The following LRMDA variants were observed in gnomAD, a reference collection of about 807,000 sequenced individuals.
LRMDA encodes the protein leucine rich melanocyte differentiation associated, also known as leucine-rich melanocyte differentiation-associated protein.
In LRMDA, 18 loss-of-function variants were observed where a neutral mutation model predicts 29.8. The ratio of observed to expected loss-of-function variants is 0.60; its 90% confidence interval spans 0.42 to 0.90. LRMDA has a LOEUF of 0.90. LRMDA is among the 40% of genes least tolerant of loss of function. The pLI is 0.00. For synonymous variants in LRMDA, 125 were observed against 109.4 expected (o/e 1.14, Z -0.89); for missense variants, 273 against 273.9 (o/e 1.00, Z 0.02).
At chr10:75,617,776 A>G (rs1179446809) in intron 2 of LRMDA, among the ~76,000 whole-genome samples, 2 of 152,140 alleles carry the variant, frequency 1.3e-5, no homozygotes, top group African/African-American at 2.4e-5. Context: ...TCTTGAGGTC[A>G]AGCACCATTT....
intron 6 of LRMDA, among the ~76,000 whole-genome samples, chr10:76,443,928 T>C (rs1589189969): frequency 1.3e-5 from 2 of 152,330 alleles, no homozygotes; most frequent in East Asian, 3.9e-4. Flanking sequence ...TTCTAAGTCC[T>C]GGTAAGGTTG....
At chr10:76,180,395 T>A (rs1025889563) in intron 5 of LRMDA, among the ~76,000 whole-genome samples, 18 of 143,612 alleles carry the variant, frequency 1.3e-4, no homozygotes, top group African/African-American at 4.6e-4. Flanking sequence ...TTTTCCTCCC[T>A]CAGCCTCCCA....
At chr10:76,477,986 G>A (rs1434919388) in intron 6 of LRMDA, among the ~76,000 whole-genome samples, 1 of 152,068 alleles carries the variant, frequency 6.6e-6, no homozygotes, top group African/African-American at 2.4e-5. Context: ...GAGGACATAG[G>A]CACGGGCAAG....
intron 2 of LRMDA, among the ~76,000 whole-genome samples, chr10:75,651,892 A>T (rs979944589): frequency 1.3e-5 from 2 of 152,224 alleles, no homozygotes; most frequent in African/African-American, 4.8e-5. Context: ...CTCCACTTCC[A>T]TCACACAGTA....
chr10:75,435,041 AT>A (rs1403490667), intron 1 of LRMDA, among the ~76,000 whole-genome samples: 1 of 151,960 alleles, frequency 6.6e-6, no homozygotes, highest in Non-Finnish European at 1.5e-5. Context: ...TTATATTTTC[AT>A]TTGCCTGGTA....
Position 75,543,367 on chromosome 10 carries a change from A to G in LRMDA, c.131+104873A>G, listed in dbSNP as rs563610392. ...CTAAATTTATATGGTTATAAACAAGAGATATTACTTTGGAATACCACAATA... is the reference window on the plus strand; with the variant it reads ...CTAAATTTATATGGTTATAAACAAGGGATATTACTTTGGAATACCACAATA... On this transcript the variant is annotated intron_variant, in intron 2 of 6. Coordinates refer to ENST00000611255, the MANE Select transcript of LRMDA (RefSeq NM_001305581.2). Among the ~76,000 whole-genome samples the G allele has an allele frequency of 2.0e-5, 3 of 152,262 alleles. No individual in the cohort carries two copies. In the South Asian group the frequency reaches 6.2e-4, roughly 32 times the overall value.
At chr10:76,036,592 T>C (rs935615824) in intron 3 of LRMDA, among the ~76,000 whole-genome samples, 8 of 152,288 alleles carry the variant, frequency 5.3e-5, no homozygotes, top group Non-Finnish European at 7.4e-5. Flanking sequence ...GGGGCAGGCT[T>C]GGGGAACCGT....
intron 2 of LRMDA, among the ~76,000 whole-genome samples, chr10:75,852,464 T>G (rs1466116189): frequency 6.6e-6 from 1 of 152,056 alleles, no homozygotes; most frequent in Non-Finnish European, 1.5e-5. Flanking sequence ...TTAGTTTCAT[T>G]TAGGACCATT....
At chr10:75,765,005 T>C (rs997932186) in intron 2 of LRMDA, among the ~76,000 whole-genome samples, 26 of 151,850 alleles carry the variant, frequency 1.7e-4, no homozygotes, top group African/African-American at 6.3e-4. Flanking sequence ...ACATGATCTT[T>C]AGTTTAATAA....
At chr10:75,523,980 A>T (rs1845388634) in intron 2 of LRMDA, among the ~76,000 whole-genome samples, 1 of 152,054 alleles carries the variant, frequency 6.6e-6, no homozygotes, top group Non-Finnish European at 1.5e-5. Flanking sequence ...CCTTTTTATC[A>T]CTCCGAGCTT....
intron 2 of LRMDA, among the ~76,000 whole-genome samples, chr10:75,791,305 A>G (rs1446942082): frequency 6.6e-6 from 1 of 152,240 alleles, no homozygotes; most frequent in Admixed American, 6.5e-5. Context: ...TATACCATCA[A>G]GAGAATAGAA....
chr10:76,261,616 C>T (rs1247474), intron 5 of LRMDA, among the ~76,000 whole-genome samples: 88,550 of 152,036 alleles, frequency 0.58, 25,879 homozygotes, highest in South Asian at 0.65. Flanking sequence ...TTTAGGCTTT[C>T]CTACTTAGGT....
intron 6 of LRMDA, among the ~76,000 whole-genome samples, chr10:76,447,131 T>C (rs997294008): frequency 1.3e-4 from 20 of 152,202 alleles, no homozygotes; most frequent in African/African-American, 4.6e-4. Context: ...AGTTCACTAG[T>C]GTTCTCTTTA....
At chr10:75,544,690 G>GT (rs527945686) in intron 2 of LRMDA, among the ~76,000 whole-genome samples, 35 of 146,788 alleles carry the variant, frequency 2.4e-4, no homozygotes, top group Middle Eastern at 3.4e-3. Context: ...AAACTTTCTT[G>GT]TTTTTTTTTT....
intron 6 of LRMDA, among the ~76,000 whole-genome samples, chr10:76,353,432 A>C (rs536160644): frequency 2.6e-5 from 4 of 152,020 alleles, no homozygotes; most frequent in African/African-American, 7.2e-5. Context: ...AGGTTGACAC[A>C]TGCATGCAGA....
chr10:76,362,609 C>T (rs1331441974), intron 6 of LRMDA, among the ~76,000 whole-genome samples: 1 of 151,594 alleles, frequency 6.6e-6, no homozygotes, highest in East Asian at 1.9e-4. Context: ...TTGTTTGTAC[C>T]CCCCTGGTGG....
chr10:75,750,795 G>C (rs1842956312), intron 2 of LRMDA, among the ~76,000 whole-genome samples: 1 of 151,336 alleles, frequency 6.6e-6, no homozygotes, highest in South Asian at 2.1e-4. Context: ...TCCCAGACAG[G>C]GTGGCAGCCG....
rs532673798 is a variant in LRMDA, at chr10:75,552,424, T to C, written c.131+113930T>C. The C allele has an allele frequency of 2.8e-3, 788 of 277,988 alleles. 6 individuals carry two copies. In the Middle Eastern group the frequency reaches 0.051, roughly 18 times the overall value. The allele number at this position is 277,988 out of a possible 1,614,324, so 17.2% of individuals were successfully genotyped here. A position where few individuals can be genotyped will look rare whatever the true frequency, so the allele number is the denominator to read the frequency against. ...TAGCTTTGTTCTGTGTTTTTTTTTT[T>C]TCCCCCCCCTCTGGCTGCTTTCAGA... On this transcript the variant is annotated intron_variant, in intron 2 of 6. Coordinates refer to ENST00000611255, the MANE Select transcript of LRMDA (RefSeq NM_001305581.2).
intron 6 of LRMDA, among the ~76,000 whole-genome samples, chr10:76,513,615 C>A (rs1843030888): frequency 6.6e-6 from 1 of 152,140 alleles, no homozygotes; most frequent in East Asian, 1.9e-4. Context: ...TGTTGATAAG[C>A]CACATCACTC....
Sources: gnomAD v4.1 joint callset for allele counts (sites outside exome capture counted in the v4.1 genomes callset) on GRCh38, gnomAD v4.1.1 for gene constraint, MANE v1.5 for transcripts, NCBI Gene and HGNC (gene_info 2026-07-23, HGNC 2026-07-21) for gene names.